MTSS1: variants seen among roughly 807,000 people sequenced by gnomAD.
MTSS1 encodes MTSS I-BAR domain containing 1.
Under a neutral mutation model 79.0 loss-of-function variants are expected in MTSS1, and 18 were observed. The observed-to-expected ratio is 0.23, with a 90% CI of 0.16 to 0.34. MTSS1 has a LOEUF of 0.34. MTSS1 is among the 10% of genes least tolerant of loss of function. The probability of loss-of-function intolerance (pLI) is 1.00; values close to 1 mark genes in which losing one functional copy is unlikely to be tolerated. For missense variants in MTSS1, 815 were observed against 986.2 expected, an observed-to-expected ratio of 0.83 and a Z score of 2.33; for synonymous variants, 341 against 368.6, an observed-to-expected ratio of 0.93 and a Z score of 0.86.
chr8:124,698,548 G>A (rs1337465931), intron 3 of MTSS1, among the ~76,000 whole-genome samples: 8 of 133,838 alleles, frequency 6.0e-5, no homozygotes, highest in African/African-American at 2.3e-4. Context: ...CCAACTCACC[G>A]TTGCCCAGGC....
At chr8:124,652,463 G>A (rs905933855) in intron 3 of MTSS1, among the ~76,000 whole-genome samples, 2 of 152,088 alleles carry the variant, frequency 1.3e-5, no homozygotes, top group Non-Finnish European at 2.9e-5. Flanking sequence ...ACCATGCCCA[G>A]CCGAGGAATG....
chr8:124,590,224 T>C (rs1831616655), intron 4 of MTSS1, among the ~76,000 whole-genome samples: 1 of 152,160 alleles, frequency 6.6e-6, no homozygotes, highest in Non-Finnish European at 1.5e-5. Context: ...TTCTTCCCAT[T>C]TTCCCTGTGA....
At chr8:124,715,406 T>C (rs150442447) in intron 1 of MTSS1, among the ~76,000 whole-genome samples, 6 of 152,314 alleles carry the variant, frequency 3.9e-5, no homozygotes, top group African/African-American at 1.4e-4. Context: ...TTTTAATCCA[T>C]ATTCCCTTTT....
chr8:124,670,061 G>C (rs1180078029), intron 3 of MTSS1, among the ~76,000 whole-genome samples: 1 of 152,210 alleles, frequency 6.6e-6, no homozygotes, highest in East Asian at 1.9e-4. Context: ...TAGTGGGAGG[G>C]TGGAAACAGG....
chr8:124,706,195 T>G (rs886818719), intron 1 of MTSS1, among the ~76,000 whole-genome samples: 1 of 152,260 alleles, frequency 6.6e-6, no homozygotes, highest in Non-Finnish European at 1.5e-5. Flanking sequence ...CTGTCAATTC[T>G]GTCTGAAAAT....
chr8:124,628,382 G>A (rs932786633), intron 3 of MTSS1, among the ~76,000 whole-genome samples: 2 of 152,038 alleles, frequency 1.3e-5, no homozygotes, highest in South Asian at 4.1e-4. Flanking sequence ...TTAAACCACC[G>A]CCACAGGATG....
At chr8:124,640,696 C>T (rs538782016) in intron 3 of MTSS1, among the ~76,000 whole-genome samples, 60 of 152,100 alleles carry the variant, frequency 3.9e-4, no homozygotes, top group African/African-American at 5.3e-4. Context: ...GGTGCCCGCC[C>T]CCATGCCCGG....
intron 1 of MTSS1, among the ~76,000 whole-genome samples, chr8:124,722,032 C>T (rs190055847): frequency 6.6e-6 from 1 of 152,186 alleles, no homozygotes; most frequent in Non-Finnish European, 1.5e-5. Flanking sequence ...CAGGAAGCTG[C>T]TGGTGCTGAG....
chr8:124,558,773 G>T, intron 10 of MTSS1: 1 of 1,584,090 alleles, frequency 6.3e-7, no homozygotes. Flanking sequence ...TGGGGGAGCT[G>T]CACTCGCTCA....
At chr8:124,617,816 C>T (rs561862320) in intron 3 of MTSS1, among the ~76,000 whole-genome samples, 1 of 152,284 alleles carries the variant, frequency 6.6e-6, no homozygotes, top group East Asian at 1.9e-4. Flanking sequence ...TGCTAAGCAA[C>T]GTCTAGACTT....
chr8:124,610,437 A>G (rs1399484223), intron 3 of MTSS1, among the ~76,000 whole-genome samples: 1 of 152,208 alleles, frequency 6.6e-6, no homozygotes, highest in Non-Finnish European at 1.5e-5. Flanking sequence ...CCATGACAAC[A>G]ATCACTTGGC....
intron 11 of MTSS1, among the ~76,000 whole-genome samples, chr8:124,556,938 G>A (rs140688702): frequency 1.3e-5 from 2 of 152,210 alleles, no homozygotes; most frequent in Non-Finnish European, 1.5e-5. Context: ...GAAAGATTCC[G>A]AGAAGCCTTG....
rs747986791 is a variant in MTSS1 at position 124,567,113 on chromosome 8, G to A, written c.684C>T (p.Ser228=). The A allele has an allele frequency of 1.9e-5, 31 of 1,614,128 alleles. No individual in the cohort carries two copies. The South Asian group carries it at 3.4e-4, about 18-fold the overall frequency. Reference sequence around the variant, plus strand: ...GCAGTTTGTGAGGGTCCATGGTCAGGCTTTTTAGATCTTCCGAGATGGTCT... The same window carrying A: ...GCAGTTTGTGAGGGTCCATGGTCAGACTTTTTAGATCTTCCGAGATGGTCT... ...HLQTISEDLK[S]LTMDPHKLPS... is the part of the protein sequence containing the mutation. Residue 228 remains serine, a synonymous_variant, in exon 8 of 14, where the codon AGC becomes AGT. Coordinates refer to ENST00000518547, the MANE Select transcript of MTSS1 (RefSeq NM_014751.6).
At chr8:124,573,717 G>A (rs1402367802) in intron 6 of MTSS1, among the ~76,000 whole-genome samples, 3 of 152,196 alleles carry the variant, frequency 2.0e-5, no homozygotes, top group African/African-American at 4.8e-5. Flanking sequence ...GGGTGCCTTC[G>A]ATGGGCTTCC....
intron 6 of MTSS1, among the ~76,000 whole-genome samples, chr8:124,581,745 C>T (rs906947807): frequency 6.6e-5 from 10 of 152,318 alleles, no homozygotes; most frequent in Admixed American, 2.0e-4. Flanking sequence ...TGAGCCACCA[C>T]GCACAGCCCA....
intron 3 of MTSS1, among the ~76,000 whole-genome samples, chr8:124,646,668 T>C (rs62530692): frequency 0.14 from 20,659 of 152,090 alleles, 2,282 homozygotes; most frequent in African/African-American, 0.31. Flanking sequence ...TTTTAAACCA[T>C]CCACAGAGAA....
intron 3 of MTSS1, among the ~76,000 whole-genome samples, chr8:124,648,282 G>A (rs778629189): frequency 5.9e-5 from 9 of 152,020 alleles, no homozygotes; most frequent in Non-Finnish European, 1.0e-4. Flanking sequence ...TAGTGTTTTT[G>A]AATTTTTTTT....
intron 6 of MTSS1, among the ~76,000 whole-genome samples, chr8:124,578,524 G>A (rs1288312176): frequency 2.6e-5 from 4 of 152,050 alleles, no homozygotes; most frequent in Non-Finnish European, 4.4e-5. Flanking sequence ...GGCTGGCAGG[G>A]TGGCTCACAC....
At position 124,555,940 on chromosome 8, in the gene MTSS1, TAG is replaced by T. The variant is rs1491476723; in HGVS notation, c.1405-38_1405-37del. On this transcript the variant is annotated intron_variant, in intron 12 of 13. Transcript: ENST00000518547. ...GAGGAGAGAAATACACAGGTTGCTT[TAG>T]GGGGGGGGCTCAACAGCACTCCTGT... The T allele has an allele frequency of 7.7e-4, 1,210 of 1,579,652 alleles. 3 individuals carry two copies. The highest frequency in any genetic ancestry group is 4.4e-3 in the African/African-American group (312 of 71,442).
Sources: allele counts gnomAD v4.1 joint callset (sites outside exome capture counted in the v4.1 genomes callset), GRCh38; gene constraint gnomAD v4.1.1; transcripts MANE v1.5; gene names NCBI Gene and HGNC (gene_info 2026-07-23, HGNC 2026-07-21).